Variants in ADAMTS14 observed in about 807,000 individuals in gnomAD.
ADAMTS14 encodes the protein A disintegrin and metalloproteinase with thrombospondin motifs 14.
A neutral mutation model predicts 128.6 loss-of-function variants in ADAMTS14; 100 were observed. The ratio of observed to expected loss-of-function variants is 0.78; its 90% CI spans 0.66 to 0.92. The LOEUF is 0.92. Ranked by LOEUF, ADAMTS14 falls within the 40% of genes least tolerant of loss-of-function variation. ADAMTS14 has a pLI of 0.00. For synonymous variants in ADAMTS14, 665 were observed against 653.8 expected (o/e 1.02, Z -0.26); for missense variants, 1,562 against 1,658.6 (o/e 0.94, Z 1.01).
intron 3 of ADAMTS14, among the ~76,000 whole-genome samples, chr10:70,704,455 G>T (rs1840591182): frequency 6.6e-6 from 1 of 151,160 alleles, no homozygotes; most frequent in Non-Finnish European, 1.5e-5. Flanking sequence ...CTCACACGTG[G>T]ACACATACCA....
rs763906015 is a variant in ADAMTS14 at position 70,730,176 on chromosome 10, G to A, written c.1029G>A (p.Gln343=). The A allele has an allele frequency of 3.1e-6, 5 of 1,613,658 alleles. No individual in the cohort carries two copies. In the African/African-American group the frequency reaches 6.7e-5, roughly 22 times the overall value. ...TGTGTCGCTGGGCACACTCCCAGCA[G>A]CGCCAGGACCCCAGCCACGCTGAGC... The part of the protein sequence containing the change: ...EQVCRWAHSQ[Q]RQDPSHAEHH... The change falls in exon 6 of 22, where the codon CAG becomes CAA. Residue 343 remains glutamine (Q), a synonymous_variant. Transcript: ENST00000373207.
intron 19 of ADAMTS14, among the ~76,000 whole-genome samples, chr10:70,756,839 T>A (rs1842488389): frequency 6.6e-6 from 1 of 152,224 alleles, no homozygotes; most frequent in African/African-American, 2.4e-5. Flanking sequence ...GAGTGCTTTT[T>A]CCCCTGGTCC....
chr10:70,729,936 G>T (rs1841580068), intron 5 of ADAMTS14, among the ~76,000 whole-genome samples, 166 bp from the exon 6 acceptor site: 1 of 152,222 alleles, frequency 6.6e-6, no homozygotes, highest in East Asian at 1.9e-4. Flanking sequence ...AAGCAGGCAG[G>T]GCTGTGTGCC....
At chr10:70,688,880 GGAGGGGGAGGGGGAGGGA>G (rs1564521608) in intron 2 of ADAMTS14, among the ~76,000 whole-genome samples, 32 of 7,902 alleles carry the variant, frequency 4.0e-3, no homozygotes, top group Non-Finnish European at 5.4e-3. Flanking sequence ...AGGGGGAGGG[GGAGGGGGAGGGGGAGGGA>G]GAGGGAGAGC....
chr10:70,685,214 C>T (rs1205433149), intron 2 of ADAMTS14, among the ~76,000 whole-genome samples: 1 of 152,162 alleles, frequency 6.6e-6, no homozygotes, highest in Non-Finnish European at 1.5e-5. Context: ...TCAGTGAGGG[C>T]CCAGGAGATT....
intron 21 of ADAMTS14, among the ~76,000 whole-genome samples, chr10:70,759,132 T>TGAG: frequency 8.1e-6 from 1 of 123,066 alleles, no homozygotes; most frequent in Non-Finnish European, 1.7e-5. Flanking sequence ...AATCTTCTAC[T>TGAG]TCTCTGCTCC....
chr10:70,696,491 C>G (rs1358750017), intron 2 of ADAMTS14, among the ~76,000 whole-genome samples: 2 of 152,134 alleles, frequency 1.3e-5, no homozygotes, highest in African/African-American at 4.8e-5. Flanking sequence ...CAAGTGAGAA[C>G]AGTAGGCACC....
chr10:70,732,292 A>T lies in ADAMTS14; in HGVS notation c.1141A>T (p.Ser381Cys). 1 of 1,614,146 alleles carries T rather than the reference A, an allele frequency of 6.2e-7. No homozygotes were observed. The highest frequency in any genetic ancestry group is 8.5e-7 in the Non-Finnish European group (1 of 1,180,016). Residue 381 changes from serine to cysteine, a missense_variant, in exon 7 of 22, where the codon AGC (serine) becomes TGC (cysteine). By Grantham distance (112) the Ser-to-Cys change is moderately radical. Coordinates refer to ENST00000373207, the MANE Select transcript of ADAMTS14 (RefSeq NM_080722.4). ...PVTGMCHPLR[S>C]CALNHEDGFS... ...CACTGGCATGTGTCACCCCCTGAGG[A>T]GCTGTGCCCTCAACCATGAGGATGG...
At chr10:70,716,167 A>G (rs1841033120) in intron 4 of ADAMTS14, among the ~76,000 whole-genome samples, 2 of 152,316 alleles carry the variant, frequency 1.3e-5, no homozygotes, top group South Asian at 4.1e-4. Context: ...AATCTGCCAG[A>G]AAGTGGGTGA....
chr10:70,733,541 G>C (rs1375617996), intron 7 of ADAMTS14, among the ~76,000 whole-genome samples: 1 of 152,208 alleles, frequency 6.6e-6, no homozygotes, highest in Admixed American at 6.5e-5. Flanking sequence ...CTGCTGTGGA[G>C]GTGAGCCCAC....
At chr10:70,696,250 C>T (rs1420719704) in intron 2 of ADAMTS14, among the ~76,000 whole-genome samples, 9 of 151,766 alleles carry the variant, frequency 5.9e-5, no homozygotes, top group East Asian at 3.9e-4. Context: ...ATCCTGAGCA[C>T]GGAGTAGGGG....
chr10:70,744,330 G>T, intron 14 of ADAMTS14, 141 bp downstream of exon 14: 1 of 1,212,662 alleles, frequency 8.2e-7, no homozygotes, highest in Non-Finnish European at 1.1e-6. Flanking sequence ...GCCTTCCTGG[G>T]CTGCCCAGGC....
chr10:70,756,826 C>G (rs115765232), intron 19 of ADAMTS14, among the ~76,000 whole-genome samples: 139 of 152,228 alleles, frequency 9.1e-4, no homozygotes, highest in African/African-American at 3.2e-3. Context: ...TGCTAGGTGC[C>G]CTGAGTGCTT....
chr10:70,742,487 G>T (rs1402411753), intron 12 of ADAMTS14, among the ~76,000 whole-genome samples: 1 of 152,266 alleles, frequency 6.6e-6, no homozygotes, highest in African/African-American at 2.4e-5. Context: ...GGAGGTTGTG[G>T]CTCCAGACTT....
At chr10:70,682,811 G>A (rs1839851252) in intron 2 of ADAMTS14, among the ~76,000 whole-genome samples, 1 of 152,168 alleles carries the variant, frequency 6.6e-6, no homozygotes, top group Non-Finnish European at 1.5e-5. Context: ...AGGCCCGTTA[G>A]TTTTCTCGGG....
Position 70,738,955 on chromosome 10 carries a change from G to A in ADAMTS14, c.1713G>A (p.Gly571=). The change falls in exon 11 of 22, where the codon GGG becomes GGA. Residue 571 remains glycine, a synonymous_variant. Coordinates refer to ENST00000373207, the MANE Select transcript of ADAMTS14 (RefSeq NM_080722.4). ...CATGTTCGCGGTCATGTGGGGGCGG[G>A]GTGCGATCCCGCAGCCGGAGCTGCA... The part of the protein sequence containing the change: ...FGSCSRSCGG[G]VRSRSRSCNN... 2.5e-6 allele frequency: 4 copies of A among 1,613,270 alleles called. No individual in the cohort carries two copies. The highest frequency in any genetic ancestry group is 1.1e-5 in the South Asian group (1 of 91,050).
intron 4 of ADAMTS14, among the ~76,000 whole-genome samples, chr10:70,714,140 C>T (rs755110882): frequency 1.4e-4 from 21 of 152,056 alleles, no homozygotes; most frequent in South Asian, 6.2e-4. Context: ...CTGCAGTGAG[C>T]TATGATTGTG....
Position 70,674,584 on chromosome 10 carries a change from C to G in ADAMTS14, c.111C>G (p.Asp37Glu). ...PELHLSGKLSDYGVTVPCSTD... is the reference protein window; with the variant it reads ...PELHLSGKLSEYGVTVPCSTD... ...TGCACCTCTCTGGAAAGCTCAGTGA[C>G]TATGGTGTGACAGTGCCCTGCAGCA... is the stretch of plus-strand genomic sequence containing the variant. Residue 37 changes from aspartate to glutamate, a missense_variant, in exon 2 of 22, where the codon GAC becomes GAG. Transcript: ENST00000373207. 1 of 1,613,746 alleles carries G rather than the reference C, an allele frequency of 6.2e-7. No homozygotes were observed. Among genetic ancestry groups the G allele is most frequent in the Non-Finnish European group, 8.5e-7 (1 of 1,179,808 alleles).
chr10:70,736,652 C>T (rs1841836099), intron 9 of ADAMTS14, 28 bp from the exon 10 acceptor site: 2 of 1,603,518 alleles, frequency 1.2e-6, no homozygotes, highest in Non-Finnish European at 1.7e-6. Context: ...CCAGTCCAGT[C>T]TGGTGACCCC....
Sources: gnomAD v4.1 joint callset for allele counts (sites outside exome capture counted in the v4.1 genomes callset) on GRCh38, gnomAD v4.1.1 for gene constraint, MANE v1.5 for transcripts, NCBI Gene and HGNC (gene_info 2026-07-23, HGNC 2026-07-21) for gene names.